The following ARHGEF28 variants were observed in gnomAD, a reference collection of about 807,000 sequenced individuals.
The protein encoded by ARHGEF28 is 190 kDa guanine nucleotide exchange factor.
In ARHGEF28, 152 loss-of-function variants were observed where a neutral mutation model predicts 206.6. That is an observed-to-expected ratio of 0.74 (90% CI 0.64 to 0.84). The LOEUF (loss-of-function observed/expected upper bound fraction) is 0.84. ARHGEF28 is among the 40% of genes least tolerant of loss of function. The probability of loss-of-function intolerance (pLI) is 0.00; values close to 1 mark genes in which losing one functional copy is unlikely to be tolerated. For synonymous variants in ARHGEF28, 763 were observed against 776.4 expected (o/e 0.98, Z 0.29); for missense variants, 2,028 against 2,073.2 (o/e 0.98, Z 0.42).
chr5:73,897,711 ATAAAG>A (rs1561494992), intron 29 of ARHGEF28, among the ~76,000 whole-genome samples: 1 of 152,260 alleles, frequency 6.6e-6, no homozygotes, highest in Non-Finnish European at 1.5e-5. Flanking sequence ...AACTTTTCCT[ATAAAG>A]GGCCAGATAC....
At chr5:73,652,498 G>A (rs1483345801) in intron 1 of ARHGEF28, among the ~76,000 whole-genome samples, 1 of 152,176 alleles carries the variant, frequency 6.6e-6, no homozygotes, top group Admixed American at 6.5e-5. Flanking sequence ...GGAGCAGAAG[G>A]AAATAGCATT....
intron 35 of ARHGEF28, among the ~76,000 whole-genome samples, chr5:73,935,647 A>G (rs1410531427): frequency 6.6e-6 from 1 of 152,228 alleles, no homozygotes; most frequent in Non-Finnish European, 1.5e-5. Context: ...ATCAACCACT[A>G]AACAGGGAAT....
In ARHGEF28 at chr5:73,867,997, T is replaced by C; in HGVS notation, c.2274T>C (p.Ser758=). ...GACAGGTCCATCCATTGTCCAGAAG[T>C]GTTCCAGGCACCACCTTGGAAAGGT... ...TVGQVHPLSR[S]VPGTTLESFR... is the part of the protein sequence containing the mutation. The change falls in exon 19 of 36, where the codon AGT becomes AGC. Residue 758 remains serine (S), a synonymous_variant. Transcript: ENST00000513042. 6.2e-7 allele frequency: 1 copy of C among 1,613,922 alleles called. No individual in the cohort carries two copies. The highest frequency in any genetic ancestry group is 8.5e-7 in the Non-Finnish European group (1 of 1,179,850).
intron 1 of ARHGEF28, among the ~76,000 whole-genome samples, chr5:73,675,952 C>T (rs989366279): frequency 1.1e-4 from 16 of 151,296 alleles, no homozygotes; most frequent in Non-Finnish European, 2.2e-4. Context: ...GAACGTGAAC[C>T]GTGTGTGTGT....
intron 1 of ARHGEF28, among the ~76,000 whole-genome samples, chr5:73,649,223 C>A (rs1375641187): frequency 1.3e-5 from 2 of 152,126 alleles, no homozygotes; most frequent in Non-Finnish European, 2.9e-5. Context: ...GATGGTCCTG[C>A]CTCCTAAATG....
chr5:73,904,204 G>C lies in ARHGEF28; in HGVS notation c.4075-18G>C. On this transcript the variant is annotated intron_variant, in intron 31 of 35. Coordinates refer to ENST00000513042, the MANE Select transcript of ARHGEF28 (RefSeq NM_001177693.2). Reference sequence around the variant, plus strand: ...AAGTAGAATGGTTATTCATTTTCTTGTTTTTTATGTATTTTAGGTGGAATG... The same window carrying C: ...AAGTAGAATGGTTATTCATTTTCTTCTTTTTTATGTATTTTAGGTGGAATG... 1.2e-6 allele frequency: 2 copies of C among 1,612,942 alleles called. No homozygotes were observed. The highest frequency in any genetic ancestry group is 4.5e-5 in the East Asian group (2 of 44,852).
At chr5:73,698,462 C>T (rs546377362) in intron 2 of ARHGEF28, among the ~76,000 whole-genome samples, 60 of 152,228 alleles carry the variant, frequency 3.9e-4, no homozygotes, top group Non-Finnish European at 6.0e-4. Context: ...TTTGAAAAGT[C>T]TCTTGCTACT....
At chr5:73,894,633 C>T in intron 29 of ARHGEF28, 58 bp downstream of exon 29, 1 of 1,557,984 alleles carries the variant, frequency 6.4e-7, no homozygotes, top group East Asian at 2.3e-5. Context: ...TATTGAACAC[C>T]TGCTAAGTGC....
At chr5:73,649,658 T>A (rs1372140538) in intron 1 of ARHGEF28, among the ~76,000 whole-genome samples, 1 of 152,244 alleles carries the variant, frequency 6.6e-6, no homozygotes, top group Non-Finnish European at 1.5e-5. Flanking sequence ...TGTTTTACCC[T>A]TATTTGTTAT....
intron 21 of ARHGEF28, among the ~76,000 whole-genome samples, chr5:73,870,928 A>G (rs1373562713): frequency 6.6e-6 from 1 of 152,180 alleles, no homozygotes; most frequent in Non-Finnish European, 1.5e-5. Flanking sequence ...TGTGTATGCA[A>G]ACATGGGCCC....
chr5:73,856,397 T>TTAAG (rs1435120386), intron 14 of ARHGEF28, among the ~76,000 whole-genome samples: 1 of 152,186 alleles, frequency 6.6e-6, no homozygotes, highest in African/African-American at 2.4e-5. Context: ...TGTGCAGGCT[T>TTAAG]TAAGTAACAG....
At chr5:73,899,186 A>G (rs906639640) in intron 30 of ARHGEF28, 2 of 152,094 alleles carry the variant, frequency 1.3e-5, no homozygotes, top group African/African-American at 4.8e-5. Flanking sequence ...CAGATTCATC[A>G]GGGGAGTTGT....
At chr5:73,630,530 A>G (rs1457096419) in intron 1 of ARHGEF28, among the ~76,000 whole-genome samples, 1 of 152,222 alleles carries the variant, frequency 6.6e-6, no homozygotes, top group African/African-American at 2.4e-5. Context: ...GTTATAGCAA[A>G]TGGAAAATAA....
chr5:73,913,793 T>A (rs1049625981), intron 35 of ARHGEF28, among the ~76,000 whole-genome samples: 8 of 152,216 alleles, frequency 5.3e-5, no homozygotes, highest in African/African-American at 1.9e-4. Flanking sequence ...TTGCCTATAA[T>A]GTTGTGGGCT....
At chr5:73,896,871 G>A (rs987778680) in intron 29 of ARHGEF28, among the ~76,000 whole-genome samples, 15 of 152,176 alleles carry the variant, frequency 9.9e-5, no homozygotes, top group African/African-American at 3.6e-4. Flanking sequence ...CCGGGGCAGC[G>A]GCGGACCCAG....
chr5:73,935,601 A>G (rs1561208894), intron 35 of ARHGEF28, among the ~76,000 whole-genome samples: 1 of 152,224 alleles, frequency 6.6e-6, no homozygotes. Flanking sequence ...TGCCATCAGG[A>G]AATGATTTTT....
chr5:73,773,822 G>A, intron 4 of ARHGEF28, 33 bp from the exon 5 acceptor site: 1 of 1,520,018 alleles, frequency 6.6e-7, no homozygotes, highest in Non-Finnish European at 8.9e-7. Context: ...GTAAATGGAG[G>A]AACTAATATG....
At chr5:73,909,257 C>T (rs2112724039) in intron 33 of ARHGEF28, 155 bp from the exon 34 acceptor site, 6 of 1,137,360 alleles carry the variant, frequency 5.3e-6, no homozygotes, top group Non-Finnish European at 7.3e-6. Flanking sequence ...ACGCCAAAAA[C>T]CTTGCCTTTG....
Position 73,858,095 on chromosome 5 carries a change from C to G in ARHGEF28, c.1923C>G (p.Ser641Arg), listed in dbSNP as rs1218026212. The change falls in exon 16 of 36, where the codon AGC becomes AGG. Residue 641 changes from serine (S) to arginine (R), a missense_variant. Ser to Arg is a moderately radical substitution (Grantham distance 110, BLOSUM62 -1). Around this residue, in one of 3 missense-constraint regions of ARHGEF28, gnomAD observed 1,002 missense variants for 1,015.3 expected, o/e 0.99. Coordinates refer to ENST00000513042, the MANE Select transcript of ARHGEF28 (RefSeq NM_001177693.2). ...TSPRNKSKTKSKDAKDKEKLN... is the reference protein window; with the variant it reads ...TSPRNKSKTKRKDAKDKEKLN... ...TGCTGCTGCATCTGAAGACAAAAAG[C>G]AAGGATGCCAAAGATAAAGAGAAGC... 2 of 1,605,482 alleles carry G rather than the reference C, an allele frequency of 1.2e-6. No individual in the cohort carries two copies. Among genetic ancestry groups the G allele is most frequent in the South Asian group, 2.2e-5 (2 of 89,070 alleles).
Sources: allele counts gnomAD v4.1 joint callset (sites outside exome capture counted in the v4.1 genomes callset), GRCh38; gene constraint gnomAD v4.1.1; regional missense constraint gnomAD v4.1.1; transcripts MANE v1.5; gene names NCBI Gene and HGNC (gene_info 2026-07-23, HGNC 2026-07-21).